Variants in TAF5 observed in about 807,000 individuals in gnomAD.
TAF5 encodes the protein TATA-box binding protein associated factor 5.
Under a neutral mutation model 80.9 loss-of-function variants are expected in TAF5, and 20 were observed. The observed-to-expected ratio is 0.25, with a 90% CI of 0.17 to 0.36. The LOEUF (loss-of-function observed/expected upper bound fraction) is 0.36, where lower values mean the gene tolerates loss of function less well. Ranked by LOEUF, TAF5 falls within the 10% of genes least tolerant of loss-of-function variation. The pLI is 1.00. For missense variants in TAF5, 863 were observed against 1,029.4 expected (o/e 0.84, Z 2.21); for synonymous variants, 388 against 406.4 (o/e 0.95, Z 0.55).
intron 1 of TAF5, among the ~76,000 whole-genome samples, chr10:103,370,616 C>T (rs913652234): frequency 8.5e-5 from 13 of 152,088 alleles, no homozygotes; most frequent in Middle Eastern, 3.4e-3. Flanking sequence ...CGTGAGCCAC[C>T]GTGCCCGGCC....
intron 1 of TAF5, among the ~76,000 whole-genome samples, chr10:103,372,590 T>C (rs983810991): frequency 1.9e-4 from 29 of 150,410 alleles, no homozygotes; most frequent in African/African-American, 4.9e-4. Flanking sequence ...TGTCTCAGCC[T>C]CCCAAAGTGC....
intron 4 of TAF5, 35 bp downstream of exon 4, chr10:103,379,806 G>A (rs759987205): frequency 1.3e-6 from 2 of 1,595,876 alleles, no homozygotes; most frequent in Middle Eastern, 1.7e-4. Context: ...GTGTGTGGAG[G>A]TATAAGACAA....
intron 2 of TAF5, among the ~76,000 whole-genome samples, chr10:103,375,298 TGTG>T (rs1307793643): frequency 1.3e-5 from 2 of 151,938 alleles, no homozygotes; most frequent in Non-Finnish European, 2.9e-5. Flanking sequence ...TGGACTAGGT[TGTG>T]GTGGAGGTGA....
In TAF5 at chr10:103,381,767, G is replaced by A; in HGVS notation, c.1460G>A (p.Gly487Glu). 1 of 1,614,136 alleles carries A rather than the reference G, an allele frequency of 6.2e-7. No individual in the cohort carries two copies. The highest frequency in any genetic ancestry group is 8.5e-7 in the Non-Finnish European group (1 of 1,180,016). Residue 487 changes from glycine to glutamate, a missense_variant, in exon 6 of 11, where the codon GGA (glycine) becomes GAA (glutamate). Physicochemically the swap from Gly to Glu is moderately conservative, Grantham distance 98. This residue lies in a region of TAF5 where 368 missense variants were observed against 461.7 expected (regional missense o/e 0.80). Transcript: ENST00000369839. Reference protein sequence around the residue: ...DVTDDSSLIAGGFADSTVRVW... With the variant: ...DVTDDSSLIAEGFADSTVRVW... The stretch of plus-strand genomic sequence containing the variant: ...ACTGATGATTCTAGTCTGATTGCTG[G>A]AGGTTTTGCAGATTCAACTGTCAGA...
chr10:103,367,983 C>A lies in TAF5; in HGVS notation c.-7C>A. 3 of 1,456,882 alleles carry A rather than the reference C, an allele frequency of 2.1e-6. No individual in the cohort carries two copies. The highest frequency in any genetic ancestry group is 2.7e-5 in the South Asian group (2 of 74,252). 90.2% of individuals were successfully genotyped at this position (1,456,882 alleles called of 1,614,324 possible). On this transcript the variant is annotated 5_prime_UTR_variant, in exon 1 of 11. Coordinates refer to ENST00000369839, the MANE Select transcript of TAF5 (RefSeq NM_006951.5). ...CGCTTGACGGCGCGAGGTGGCTCAG[C>A]CGCAAGATGGCGGCGCTGGCGGAGG...
rs1334453747 is a variant in TAF5 at position 103,383,338 on chromosome 10, T to C, written c.1635T>C (p.Pro545=). Reference sequence around the variant, plus strand: ...AGATTTTGTATGGTCACAGTGGGCCTGTCTACGGAGCCAGCTTCAGTCCGG... The same window carrying C: ...AGATTTTGTATGGTCACAGTGGGCCCGTCTACGGAGCCAGCTTCAGTCCGG... ...ELKILYGHSG[P]VYGASFSPDR... Residue 545 remains proline (P), a synonymous_variant, in exon 7 of 11, where the codon CCT becomes CCC. Coordinates refer to ENST00000369839, the MANE Select transcript of TAF5 (RefSeq NM_006951.5). 6.2e-7 allele frequency: 1 copy of C among 1,601,436 alleles called. No individual in the cohort carries two copies. The highest frequency in any genetic ancestry group is 8.5e-7 in the Non-Finnish European group (1 of 1,176,682).
At chr10:103,372,597 G>A (rs1377931005) in intron 1 of TAF5, among the ~76,000 whole-genome samples, 1 of 150,828 alleles carries the variant, frequency 6.6e-6, no homozygotes, top group Non-Finnish European at 1.5e-5. Context: ...GCCTCCCAAA[G>A]TGCTGGGATT....
chr10:103,368,281 C>G lies in TAF5; in HGVS notation c.292C>G (p.Leu98Val). 6.3e-7 allele frequency: 1 copy of G among 1,577,630 alleles called. No homozygotes were observed. Among genetic ancestry groups the G allele is most frequent in the South Asian group, 1.1e-5 (1 of 87,642 alleles). ...CGCTCCGCATGACCGACAGACTCTA[C>G]TGGCCGTGCTGCAGTTCCTACGGCA... ...AGAPHDRQTL[L>V]AVLQFLRQSK... The change falls in exon 1 of 11, where the codon CTG (leucine) becomes GTG (valine). Residue 98 changes from leucine (L) to valine (V), a missense_variant. Leu to Val is a conservative substitution (Grantham distance 32, BLOSUM62 1). Coordinates refer to ENST00000369839, the MANE Select transcript of TAF5 (RefSeq NM_006951.5).
At position 103,378,171 on chromosome 10, in the gene TAF5, TG is replaced by T; in HGVS notation, c.798-59del. On this transcript the variant is annotated intron_variant, in intron 2 of 10. Coordinates refer to ENST00000369839, the MANE Select transcript of TAF5 (RefSeq NM_006951.5). The surrounding 1 kb of genome is among the most constrained non-coding windows in gnomAD (Gnocchi z 4.1). The stretch of plus-strand genomic sequence containing the variant: ...TATTCTGGGATGGTTTATAAGTATA[TG>T]GGGGAAAGGCAGATCCCTTAATGAT... 1 of 1,423,124 alleles carries T rather than the reference TG, an allele frequency of 7.0e-7. No individual in the cohort carries two copies. Among genetic ancestry groups the T allele is most frequent in the Non-Finnish European group, 9.7e-7 (1 of 1,032,780 alleles). 88.2% of individuals were successfully genotyped at this position (1,423,124 alleles called of 1,614,324 possible).
Position 103,373,593 on chromosome 10 carries a change from G to A in TAF5, c.795G>A (p.Glu265=), listed in dbSNP as rs1340313324. ...AGAATGAAGCAAAGTCATTCTTTGA[G>A]AAGTATGTAAATTTTTACATATATA... ...QHENEAKSFF[E]KFHGDQECYY... The change falls in exon 2 of 11, where the codon GAG becomes GAA. Residue 265 remains glutamate (E), a splice_region_variant and synonymous_variant. Coordinates refer to ENST00000369839, the MANE Select transcript of TAF5 (RefSeq NM_006951.5). 1 of 1,609,654 alleles carries A rather than the reference G, an allele frequency of 6.2e-7. No homozygotes were observed. The highest frequency in any genetic ancestry group is 8.5e-7 in the Non-Finnish European group (1 of 1,176,712).
At chr10:103,386,744 A>C (rs1210633545) in intron 8 of TAF5, among the ~76,000 whole-genome samples, 3 of 150,294 alleles carry the variant, frequency 2.0e-5, no homozygotes, top group African/African-American at 7.3e-5. Context: ...GCTCACTGCA[A>C]CCTCTACCTC....
intron 6 of TAF5, 90 bp from the exon 7 acceptor site, chr10:103,383,147 AT>A (rs2093386996): frequency 8.0e-7 from 1 of 1,250,386 alleles, no homozygotes; most frequent in Admixed American, 3.1e-5. Flanking sequence ...AAATTTTCAA[AT>A]GTTAATTCCT....
chr10:103,374,358 G>C lies in TAF5; in HGVS notation c.797+763G>C. Among the ~76,000 whole-genome samples the C allele has an allele frequency of 6.6e-6, 1 of 152,124 alleles. No individual in the cohort carries two copies. Among genetic ancestry groups the C allele is most frequent in the Non-Finnish European group, 1.5e-5 (1 of 68,034 alleles). On this transcript the variant is annotated intron_variant, in intron 2 of 10. Coordinates refer to ENST00000369839, the MANE Select transcript of TAF5 (RefSeq NM_006951.5). The surrounding 1 kb of genome is among the most constrained non-coding windows in gnomAD (Gnocchi z 4.3). ...CATTACCAGGGCCCCAAGCTCCCTC[G>C]GTCTTGTTGCTCTCTCATGCTTTTC...
chr10:103,386,972 C>T (rs1187412573), intron 8 of TAF5, among the ~76,000 whole-genome samples: 1 of 134,270 alleles, frequency 7.4e-6, no homozygotes, highest in East Asian at 2.3e-4. Context: ...AAGACCTCAG[C>T]TTAAAAAAAA....
At chr10:103,387,488 A>T (rs201217060) in intron 9 of TAF5, 33 bp from the exon 10 acceptor site, 7 of 1,585,170 alleles carry the variant, frequency 4.4e-6, no homozygotes, top group Non-Finnish European at 6.0e-6. Flanking sequence ...TTTCCTAGAC[A>T]TACTTTGATC....
In TAF5 at chr10:103,378,498, C is replaced by T. The variant is rs1026570758; in HGVS notation, c.1061C>T (p.Ala354Val). ...CCGCGTAGTAAGCAACAGATAGATG[C>T]GATGGTGGGAAGTTTGGCAGGAGAG... ...GMPRSKQQID[A>V]MVGSLAGEAK... Residue 354 changes from alanine (A) to valine (V), a missense_variant, in exon 3 of 11, where the codon GCG (alanine) becomes GTG (valine). By Grantham distance (64) the Ala-to-Val change is moderately conservative. Transcript: ENST00000369839. The surrounding 1 kb of genome is among the most constrained non-coding windows in gnomAD (Gnocchi z 4.1). 1.9e-6 allele frequency: 3 copies of T among 1,613,916 alleles called. No homozygotes were observed. Among genetic ancestry groups the T allele is most frequent in the Non-Finnish European group, 2.5e-6 (3 of 1,179,978 alleles).
rs759704884 is a variant in TAF5 at position 103,383,335 on chromosome 10, G to A, written c.1632G>A (p.Gly544=). 2.5e-6 allele frequency: 4 copies of A among 1,603,388 alleles called. No individual in the cohort carries two copies. The Admixed American group carries it at 5.4e-5, about 21-fold the overall frequency. The change falls in exon 7 of 11, where the codon GGG becomes GGA. Residue 544 remains glycine (G), a synonymous_variant. Transcript: ENST00000369839. ...TGAAGATTTTGTATGGTCACAGTGG[G>A]CCTGTCTACGGAGCCAGCTTCAGTC... The part of the protein sequence containing the change: ...SELKILYGHS[G]PVYGASFSPD...
At chr10:103,370,238 A>G (rs1017366869) in intron 1 of TAF5, among the ~76,000 whole-genome samples, 1 of 151,910 alleles carries the variant, frequency 6.6e-6, no homozygotes, top group Admixed American at 6.6e-5. Flanking sequence ...TCTCAAAAAA[A>G]AAATTTTTTT....
At chr10:103,376,230 T>C (rs969152975) in intron 2 of TAF5, among the ~76,000 whole-genome samples, 10 of 151,964 alleles carry the variant, frequency 6.6e-5, no homozygotes, top group East Asian at 3.9e-4. Flanking sequence ...TAGCTGGGAT[T>C]ACAGGCATGC....
Sources: allele counts gnomAD v4.1 joint callset (sites outside exome capture counted in the v4.1 genomes callset), GRCh38; gene constraint gnomAD v4.1.1; regional missense constraint gnomAD v4.1.1; non-coding constraint Gnocchi (gnomAD v3.1); transcripts MANE v1.5; gene names NCBI Gene and HGNC (gene_info 2026-07-23, HGNC 2026-07-21).